ALMS1: variants seen among roughly 807,000 people sequenced by gnomAD.
The protein encoded by ALMS1 is ALMS1 centrosome and basal body associated protein, also known as centrosome-associated protein ALMS1.
ALMS1 carries 271 observed loss-of-function variants against 352.2 expected under a neutral mutation model. The ratio of observed to expected loss-of-function variants is 0.77; its 90% CI spans 0.70 to 0.85. The LOEUF (loss-of-function observed/expected upper bound fraction) is 0.85. ALMS1 is among the 40% of genes least tolerant of loss of function. The pLI is 0.00. For synonymous variants in ALMS1, 1,865 were observed against 1,761.2 expected, an observed-to-expected ratio of 1.06 and a Z score of -1.48; for missense variants, 5,445 against 4,870.7, an observed-to-expected ratio of 1.12 and a Z score of -3.51.
At chr2:73,447,421 G>C (rs979474584) in intron 7 of ALMS1, among the ~76,000 whole-genome samples, 1 of 151,928 alleles carries the variant, frequency 6.6e-6, no homozygotes, top group Non-Finnish European at 1.5e-5. Flanking sequence ...ATTATACAGG[G>C]TGCATTTGTT....
intron 7 of ALMS1, among the ~76,000 whole-genome samples, chr2:73,440,267 G>A (rs966432561): frequency 1.3e-5 from 2 of 152,150 alleles, no homozygotes; most frequent in Admixed American, 6.5e-5. Flanking sequence ...ACAGGCGTGA[G>A]CCAATGCACC....
chr2:73,515,159 T>C (rs538146638), intron 10 of ALMS1, among the ~76,000 whole-genome samples: 1 of 152,298 alleles, frequency 6.6e-6, no homozygotes, highest in Admixed American at 6.5e-5. Context: ...TGTAGACTTT[T>C]TGAATTTACA....
intron 9 of ALMS1, among the ~76,000 whole-genome samples, chr2:73,465,430 G>A (rs1467264672): frequency 6.6e-6 from 1 of 152,126 alleles, no homozygotes; most frequent in East Asian, 1.9e-4. Flanking sequence ...AAACTGGCTA[G>A]CCATATGTAG....
Position 73,448,602 on chromosome 2 carries a change from C to T in ALMS1, c.2075C>T (p.Ala692Val). Residue 692 changes from alanine to valine, a missense_variant, in exon 8 of 23, where the codon GCT becomes GTT. By Grantham distance (64) the Ala-to-Val change is moderately conservative (BLOSUM62 0). Coordinates refer to ENST00000613296, the MANE Select transcript of ALMS1 (RefSeq NM_001378454.1). ...CCAGATGGTCATCTAACTGATCAGG[C>T]TCTGAAAGTCTCAGCTGTGTCTGGA... is the stretch of plus-strand genomic sequence containing the variant. The part of the protein sequence containing the change: ...TLPDGHLTDQ[A>V]LKVSAVSGPA... The T allele has an allele frequency of 6.2e-7, 1 of 1,613,954 alleles. No homozygotes were observed. The highest frequency in any genetic ancestry group is 8.5e-7 in the Non-Finnish European group (1 of 1,179,950).
chr2:73,406,690 A>G (rs1222573442), intron 1 of ALMS1, among the ~76,000 whole-genome samples: 1 of 152,190 alleles, frequency 6.6e-6, no homozygotes, highest in Non-Finnish European at 1.5e-5. Flanking sequence ...CTAGTCCTTT[A>G]TAGCTTTGCC....
At chr2:73,519,656 G>T in intron 10 of ALMS1, 119 bp from the exon 11 acceptor site, 1 of 1,300,402 alleles carries the variant, frequency 7.7e-7, no homozygotes, top group South Asian at 1.3e-5. Context: ...TGACATTGAT[G>T]TGTCCACAAT....
intron 10 of ALMS1, among the ~76,000 whole-genome samples, chr2:73,494,545 C>G (rs1673064073): frequency 1.3e-5 from 2 of 152,164 alleles, no homozygotes; most frequent in Admixed American, 1.3e-4. Flanking sequence ...GTTGTCATGT[C>G]TTAGACTCCT....
At position 73,585,392 on chromosome 2, in the gene ALMS1, CT is replaced by C. The variant is rs760209126; in HGVS notation, c.11547+11987del. On this transcript the variant is annotated intron_variant, in intron 16 of 22. Transcript: ENST00000613296. Reference sequence around the variant, plus strand: ...TTCCCTTACAATTAATGATGATGAGCTTTTTTTTTTTTTTTTTTTGAGACAG... The same window carrying C: ...TTCCCTTACAATTAATGATGATGAGCTTTTTTTTTTTTTTTTTTGAGACAG... 6.1e-3 allele frequency among the ~76,000 whole-genome samples: 743 copies of C among 122,522 alleles called. 3 individuals are homozygous for C. Among genetic ancestry groups the C allele is most frequent in the African/African-American group, 0.019 (551 of 29,440 alleles). The allele number at this position is 122,522 out of a possible 152,430, so 80.4% of individuals were successfully genotyped here.
chr2:73,535,061 T>C, intron 12 of ALMS1, 112 bp downstream of exon 12: 3 of 1,385,710 alleles, frequency 2.2e-6, no homozygotes, highest in Admixed American at 1.7e-5. Context: ...CAGTGAAATA[T>C]GGAACTTTTC....
intron 16 of ALMS1, among the ~76,000 whole-genome samples, chr2:73,587,118 A>C (rs1194258722): frequency 1.3e-5 from 2 of 152,146 alleles, no homozygotes; most frequent in African/African-American, 2.4e-5. Flanking sequence ...ATTTGTGTAC[A>C]TTGATTTTGT....
chr2:73,541,147 A>C (rs993801598), intron 12 of ALMS1, among the ~76,000 whole-genome samples: 3 of 152,216 alleles, frequency 2.0e-5, no homozygotes, highest in Non-Finnish European at 4.4e-5. Context: ...GCAAATGTAA[A>C]AGAACAGAAA....
chr2:73,419,868 T>A (rs1029430905), intron 3 of ALMS1, among the ~76,000 whole-genome samples: 1 of 152,198 alleles, frequency 6.6e-6, no homozygotes, highest in South Asian at 2.1e-4. Flanking sequence ...TAAGTACTTT[T>A]AAAATCATTA....
chr2:73,528,368 A>C (rs771972797), intron 11 of ALMS1, among the ~76,000 whole-genome samples: 1 of 152,178 alleles, frequency 6.6e-6, no homozygotes, highest in Non-Finnish European at 1.5e-5. Context: ...CTCTCTCTTT[A>C]GCTGTAAGAA....
chr2:73,452,894 A>G lies in ALMS1; in HGVS notation c.6367A>G (p.Thr2123Ala). The G allele has an allele frequency of 1.9e-6, 3 of 1,613,892 alleles. No individual in the cohort carries two copies. Among genetic ancestry groups the G allele is most frequent in the African/African-American group, 1.3e-5 (1 of 75,050 alleles). ...AACTGAAGATGTGCTGAAGGTTTCA[A>G]CAATTCCTGGACCAGCTGGCCAGAA... ...HVTEDVLKVS[T>A]IPGPAGQKTV... Residue 2123 changes from threonine (T) to alanine (A), a missense_variant, in exon 8 of 23, where the codon ACA becomes GCA. Physicochemically the swap from Thr to Ala is moderately conservative, Grantham distance 58. Transcript: ENST00000613296.
At chr2:73,509,986 C>T (rs1468614883) in intron 10 of ALMS1, among the ~76,000 whole-genome samples, 1 of 152,114 alleles carries the variant, frequency 6.6e-6, no homozygotes, top group Non-Finnish European at 1.5e-5. Flanking sequence ...TCTCTGATAT[C>T]CTTTCTTCCA....
intron 9 of ALMS1, among the ~76,000 whole-genome samples, chr2:73,462,298 T>C (rs1295524190): frequency 2.0e-5 from 3 of 152,126 alleles, no homozygotes; most frequent in Admixed American, 1.3e-4. Context: ...TGGGGGCCAA[T>C]ATTCAACATT....
intron 15 of ALMS1, among the ~76,000 whole-genome samples, chr2:73,561,030 G>A (rs530955843): frequency 2.0e-5 from 3 of 152,334 alleles, no homozygotes; most frequent in South Asian, 4.1e-4. Context: ...TTACAGTGGC[G>A]TGAAAGCGGG....
intron 9 of ALMS1, among the ~76,000 whole-genome samples, chr2:73,465,980 A>G (rs1312872134): frequency 6.0e-5 from 9 of 149,560 alleles, no homozygotes; most frequent in African/African-American, 2.2e-4. Context: ...AAAAGTCAGG[A>G]AACAACAGGT....
rs776101982 is a variant in ALMS1 at position 73,602,185 on chromosome 2, G to C, written c.12115G>C (p.Glu4039Gln). 4.3e-6 allele frequency: 7 copies of C among 1,613,414 alleles called. No individual in the cohort carries two copies. Among genetic ancestry groups the C allele is most frequent in the Non-Finnish European group, 5.9e-6 (7 of 1,179,762 alleles). The change falls in exon 20 of 23, where the codon GAA becomes CAA. Residue 4039 changes from glutamate to glutamine, a missense_variant and splice_region_variant. Transcript: ENST00000613296. ...LRPFVRATLQESLQFHRPDFI... is the reference protein window; with the variant it reads ...LRPFVRATLQQSLQFHRPDFI... The stretch of plus-strand genomic sequence containing the variant: ...ATTTTCTCTTTTTTTTTTCTTTTAG[G>C]AATCGCTTCAGTTTCACAGACCTGA...
Sources: allele counts gnomAD v4.1 joint callset (sites outside exome capture counted in the v4.1 genomes callset), GRCh38; gene constraint gnomAD v4.1.1; transcripts MANE v1.5; gene names NCBI Gene and HGNC (gene_info 2026-07-23, HGNC 2026-07-21).